Variants in GANC observed in about 807,000 individuals in gnomAD.
The protein encoded by GANC is glucosidase alpha, neutral C, also known as neutral alpha-glucosidase C.
A neutral mutation model predicts 124.2 loss-of-function variants in GANC; 117 were observed. That is an observed-to-expected ratio of 0.94 (90% CI 0.81 to 1.10). GANC has a LOEUF of 1.10. Ranked by LOEUF, GANC falls within the 50% of genes least tolerant of loss-of-function variation. GANC has a pLI of 0.00. For synonymous variants in GANC, 377 were observed against 376.8 expected, an observed-to-expected ratio of 1.00 and a Z score of -0.01; for missense variants, 1,140 against 1,095.0, an observed-to-expected ratio of 1.04 and a Z score of -0.58.
intron 4 of GANC, among the ~76,000 whole-genome samples, chr15:42,290,409 G>T (rs1297104167): frequency 6.6e-6 from 1 of 152,180 alleles, no homozygotes; most frequent in African/African-American, 2.4e-5. Flanking sequence ...TGTAGCTGCA[G>T]GTACATATAG....
intron 15 of GANC, 78 bp from the exon 16 acceptor site, chr15:42,338,311 A>T (rs954838771): frequency 4.7e-6 from 4 of 856,664 alleles, no homozygotes; most frequent in Non-Finnish European, 5.4e-6. Context: ...GTTGTCTTTT[A>T]CAAATAAGGA....
intron 7 of GANC, 130 bp from the exon 8 acceptor site, chr15:42,308,092 G>A (rs2052015254): frequency 1.8e-6 from 1 of 566,166 alleles, no homozygotes. Flanking sequence ...CACAGCATTT[G>A]CTAATTGATC....
At chr15:42,320,650 TG>T (rs1340752404) in intron 10 of GANC, among the ~76,000 whole-genome samples, 1 of 152,102 alleles carries the variant, frequency 6.6e-6, no homozygotes, top group Non-Finnish European at 1.5e-5. Context: ...GGTTTCACCG[TG>T]TTGGCCAGGC....
At chr15:42,330,769 C>CTTTTTTTTTTT in intron 15 of GANC, 97 bp downstream of exon 15, 1 of 365,358 alleles carries the variant, frequency 2.7e-6, no homozygotes. Context: ...CCTTCCTTTT[C>CTTTTTTTTTTT]CTTTTTTTTT....
At chr15:42,334,755 T>TG (rs1380952839) in intron 15 of GANC, among the ~76,000 whole-genome samples, 1 of 41,914 alleles carries the variant, frequency 2.4e-5, no homozygotes, top group African/African-American at 3.6e-5. Flanking sequence ...GTTGGTTTTC[T>TG]GAAAAAAAAA....
At chr15:42,343,594 T>C (rs1335409971) in intron 19 of GANC, among the ~76,000 whole-genome samples, 1 of 152,092 alleles carries the variant, frequency 6.6e-6, no homozygotes, top group Admixed American at 6.6e-5. Flanking sequence ...GGGTAAAAAG[T>C]AAAAATAGTG....
intron 6 of GANC, among the ~76,000 whole-genome samples, chr15:42,302,013 A>C (rs368967390): frequency 6.6e-6 from 1 of 152,186 alleles, no homozygotes; most frequent in Non-Finnish European, 1.5e-5. Flanking sequence ...TAAGGGACAG[A>C]CTGCCTCCTC....
intron 3 of GANC, among the ~76,000 whole-genome samples, chr15:42,279,408 G>A (rs2051709406): frequency 6.6e-6 from 1 of 152,290 alleles, no homozygotes; most frequent in Non-Finnish European, 1.5e-5. Flanking sequence ...CAGGCAAAAG[G>A]ACTATGCAGT....
At chr15:42,316,631 A>T (rs1335995647) in intron 10 of GANC, among the ~76,000 whole-genome samples, 1 of 152,252 alleles carries the variant, frequency 6.6e-6, no homozygotes, top group African/African-American at 2.4e-5. Flanking sequence ...GAACGTGACC[A>T]TTGAAGCACA....
chr15:42,283,682 A>G, intron 3 of GANC: 1 of 702,584 alleles, frequency 1.4e-6, no homozygotes, highest in Non-Finnish European at 2.6e-6. Flanking sequence ...ATCTCTGAGC[A>G]CCTCTGTGAA....
intron 1 of GANC, 74 bp downstream of exon 1, chr15:42,274,584 T>C: frequency 7.1e-7 from 1 of 1,400,106 alleles, no homozygotes; most frequent in Non-Finnish European, 9.7e-7. Context: ...TAATTGCATT[T>C]CTTATTTGCG....
intron 3 of GANC, among the ~76,000 whole-genome samples, chr15:42,280,409 A>ATGGGACAGCACTAATTTCCTTCC (rs2051720149): frequency 2.0e-5 from 3 of 152,212 alleles, no homozygotes; most frequent in African/African-American, 7.2e-5. Flanking sequence ...GGAGAAAAAA[A>ATGGGACAGCACTAATTTCCTTCC]TGGGACAGCA....
At chr15:42,337,679 A>T (rs927484711) in intron 15 of GANC, among the ~76,000 whole-genome samples, 1 of 152,256 alleles carries the variant, frequency 6.6e-6, no homozygotes, top group Non-Finnish European at 1.5e-5. Flanking sequence ...ACACGAGTTT[A>T]CCAACATAAC....
chr15:42,288,159 G>T (rs1023942270), intron 4 of GANC, among the ~76,000 whole-genome samples: 5 of 152,152 alleles, frequency 3.3e-5, no homozygotes, highest in Non-Finnish European at 7.3e-5. Flanking sequence ...CAAGTAGAAG[G>T]AAAGCTACTT....
chr15:42,310,256 T>C, intron 8 of GANC, 27 bp from the exon 9 acceptor site: 2 of 1,509,956 alleles, frequency 1.3e-6, no homozygotes, highest in East Asian at 2.3e-5. Flanking sequence ...TTTGTGATGG[T>C]AATTGATGAT....
intron 6 of GANC, among the ~76,000 whole-genome samples, chr15:42,302,239 T>G (rs1314125568): frequency 1.3e-5 from 2 of 152,124 alleles, no homozygotes; most frequent in Non-Finnish European, 2.9e-5. Flanking sequence ...CCGGCAAACT[T>G]CAGCAGACGT....
chr15:42,345,832 T>G lies in GANC; in HGVS notation c.2304T>G (p.Thr768=). ...TAAAGATCCCAGTAGCCTTGGACAC[T>G]GTAAGTTATTTTCAGACTACTATTT... ...CTVKIPVALD[T]IPVFQRGGSV... The change falls in exon 20 of 24, where the codon ACT becomes ACG. Residue 768 remains threonine (T), a splice_region_variant and synonymous_variant. Coordinates refer to ENST00000318010, the MANE Select transcript of GANC (RefSeq NM_198141.3). 6.2e-7 allele frequency: 1 copy of G among 1,601,240 alleles called. No homozygotes were observed. Among genetic ancestry groups the G allele is most frequent in the South Asian group, 1.1e-5 (1 of 90,526 alleles).
chr15:42,301,669 G>A (rs918626204), intron 6 of GANC, among the ~76,000 whole-genome samples: 9 of 152,160 alleles, frequency 5.9e-5, no homozygotes, highest in Admixed American at 5.9e-4. Context: ...TTGGTGGGAC[G>A]AGGGGCATCC....
At chr15:42,289,665 G>GC (rs1269145328) in intron 4 of GANC, among the ~76,000 whole-genome samples, 3 of 152,132 alleles carry the variant, frequency 2.0e-5, no homozygotes, top group Non-Finnish European at 4.4e-5. Flanking sequence ...AGATTGGCTG[G>GC]CTGACCTAGC....
Sources: allele counts gnomAD v4.1 joint callset (sites outside exome capture counted in the v4.1 genomes callset), GRCh38; gene constraint gnomAD v4.1.1; transcripts MANE v1.5; gene names NCBI Gene and HGNC (gene_info 2026-07-23, HGNC 2026-07-21).